SYT1: variants seen among roughly 807,000 people sequenced by gnomAD.
The protein encoded by SYT1 is synaptotagmin 1, also known as synaptotagmin-1.
A neutral mutation model predicts 44.8 loss-of-function variants in SYT1; 8 were observed. The observed-to-expected ratio is 0.18, with a 90% CI of 0.10 to 0.32. SYT1 has a LOEUF of 0.32. SYT1 is among the 10% of genes least tolerant of loss of function. The pLI is 1.00. For synonymous variants in SYT1, 154 were observed against 188.8 expected (o/e 0.82, Z 1.51); for missense variants, 286 against 509.3 (o/e 0.56, Z 4.22).
At chr12:79,238,745 C>T (rs970388632) in intron 4 of SYT1, among the ~76,000 whole-genome samples, 19 of 152,306 alleles carry the variant, frequency 1.2e-4, no homozygotes, top group Middle Eastern at 3.4e-3. Flanking sequence ...TTACTAATCC[C>T]TCATATATTT....
chr12:79,123,120 A>G (rs1038509574), intron 3 of SYT1, among the ~76,000 whole-genome samples: 1 of 152,188 alleles, frequency 6.6e-6, no homozygotes, highest in Middle Eastern at 3.2e-3. Context: ...CTAATTTACC[A>G]TTTTATCCGC....
At chr12:78,931,374 A>AGAG (rs1491214820) in intron 1 of SYT1, among the ~76,000 whole-genome samples, 2 of 92,004 alleles carry the variant, frequency 2.2e-5, no homozygotes, top group East Asian at 5.0e-4. Context: ...GGAAGGAAGG[A>AGAG]AGGAAGGAAG....
At chr12:79,194,905 A>G (rs1185600312) in intron 3 of SYT1, among the ~76,000 whole-genome samples, 2 of 152,232 alleles carry the variant, frequency 1.3e-5, no homozygotes, top group African/African-American at 4.8e-5. Flanking sequence ...AATTGTCAAT[A>G]GAATCCTGCC....
intron 1 of SYT1, among the ~76,000 whole-genome samples, chr12:78,976,880 C>T (rs1268140532): frequency 6.6e-6 from 1 of 152,058 alleles, no homozygotes; most frequent in African/African-American, 2.4e-5. Flanking sequence ...ATTCTGTCTA[C>T]CTGCGTTTTT....
intron 3 of SYT1, among the ~76,000 whole-genome samples, chr12:79,067,082 CACA>C (rs1875922014): frequency 6.6e-6 from 1 of 152,148 alleles, no homozygotes; most frequent in Non-Finnish European, 1.5e-5. Context: ...ACCTTCCTGC[CACA>C]ACAAGCCAGT....
chr12:79,151,569 C>CA (rs1232367731), intron 3 of SYT1, among the ~76,000 whole-genome samples: 2 of 151,986 alleles, frequency 1.3e-5, no homozygotes, highest in Admixed American at 6.6e-5. Context: ...CTAATGATGA[C>CA]AAAAGGTTGG....
chr12:78,992,578 T>C (rs117137286), intron 2 of SYT1, among the ~76,000 whole-genome samples: 3,245 of 152,354 alleles, frequency 0.021, 60 homozygotes, highest in Middle Eastern at 0.075. Flanking sequence ...AAAATGTATT[T>C]CTTACCGTGT....
At chr12:79,342,630 T>C (rs938218664) in intron 8 of SYT1, among the ~76,000 whole-genome samples, 1 of 152,210 alleles carries the variant, frequency 6.6e-6, no homozygotes, top group Non-Finnish European at 1.5e-5. Context: ...TTTGATCACA[T>C]GGTGAAGACT....
intron 8 of SYT1, among the ~76,000 whole-genome samples, chr12:79,335,937 A>G (rs1483379303): frequency 6.6e-6 from 1 of 152,126 alleles, no homozygotes; most frequent in African/African-American, 2.4e-5. Context: ...CCTAATGCCA[A>G]ATTTCTCTGC....
At chr12:78,917,606 A>G (rs529792809) in intron 1 of SYT1, among the ~76,000 whole-genome samples, 1 of 151,556 alleles carries the variant, frequency 6.6e-6, no homozygotes, top group East Asian at 2.0e-4. Flanking sequence ...AACTTAAAGT[A>G]TAATAAAAAA....
chr12:78,962,756 T>C (rs1879577679), intron 1 of SYT1, among the ~76,000 whole-genome samples: 1 of 151,958 alleles, frequency 6.6e-6, no homozygotes, highest in Admixed American at 6.6e-5. Flanking sequence ...TGTACATCTT[T>C]GTTTCCCTGA....
chr12:79,347,310 C>T (rs1306466310), intron 8 of SYT1, among the ~76,000 whole-genome samples: 1 of 152,068 alleles, frequency 6.6e-6, no homozygotes, highest in African/African-American at 2.4e-5. Context: ...CTGGCATCAC[C>T]CTCAGCTGAA....
intron 3 of SYT1, among the ~76,000 whole-genome samples, chr12:79,054,549 T>C (rs1419968667): frequency 6.6e-6 from 1 of 151,994 alleles, no homozygotes; most frequent in Non-Finnish European, 1.5e-5. Flanking sequence ...TTTTTATACA[T>C]GCTACATTAT....
chr12:78,969,841 G>T (rs540665660), intron 1 of SYT1, among the ~76,000 whole-genome samples: 30 of 152,242 alleles, frequency 2.0e-4, no homozygotes, highest in African/African-American at 6.7e-4. Context: ...ATATATTATA[G>T]AAAATGCCTT....
intron 9 of SYT1, among the ~76,000 whole-genome samples, chr12:79,376,327 TTGA>T (rs1266833035): frequency 6.6e-6 from 1 of 152,248 alleles, no homozygotes; most frequent in East Asian, 1.9e-4. Flanking sequence ...TGGTCATTTC[TTGA>T]TGATATGCTG....
chr12:78,905,777 A>T (rs1487440974), intron 1 of SYT1, among the ~76,000 whole-genome samples: 2 of 151,430 alleles, frequency 1.3e-5, no homozygotes, highest in Non-Finnish European at 3.0e-5. Flanking sequence ...GACCTTTTTA[A>T]TTTTTTTTTA....
intron 4 of SYT1, among the ~76,000 whole-genome samples, chr12:79,236,225 CCCTTGTTCAGAAA>C (rs1189571350): frequency 6.6e-6 from 1 of 152,168 alleles, no homozygotes; most frequent in Non-Finnish European, 1.5e-5. Flanking sequence ...ACATGCAAGT[CCCTTGTTCAGAAA>C]CCTTTAGTAC....
At chr12:79,108,464 A>T (rs1878835656) in intron 3 of SYT1, among the ~76,000 whole-genome samples, 1 of 152,058 alleles carries the variant, frequency 6.6e-6, no homozygotes, top group South Asian at 2.1e-4. Flanking sequence ...AAAACATTTT[A>T]AAAATAGAGA....
intron 1 of SYT1, chr12:78,960,518 ATT>A (rs1419147605): frequency 2.0e-5 from 3 of 152,210 alleles, no homozygotes; most frequent in Non-Finnish European, 2.9e-5. Context: ...GAATGAAACC[ATT>A]TGGTGAGCTA....
Sources: gnomAD v4.1 joint callset for allele counts (sites outside exome capture counted in the v4.1 genomes callset) on GRCh38, gnomAD v4.1.1 for gene constraint, MANE v1.5 for transcripts, NCBI Gene and HGNC (gene_info 2026-07-23, HGNC 2026-07-21) for gene names.